Variants in CABLES2 observed in about 807,000 individuals in gnomAD.
The protein encoded by CABLES2 is Cdk5 and Abl enzyme substrate 2.
A neutral mutation model predicts 44.8 loss-of-function variants in CABLES2; 35 were observed. The ratio of observed to expected loss-of-function variants is 0.78; its 90% CI spans 0.60 to 1.04. The LOEUF (loss-of-function observed/expected upper bound fraction) is 1.04, where lower values mean the gene tolerates loss of function less well. Ranked by LOEUF, CABLES2 falls within the 50% of genes least tolerant of loss-of-function variation. The pLI, the probability that CABLES2 is intolerant of heterozygous loss-of-function variation, is 0.00. For synonymous variants in CABLES2, 282 were observed against 281.1 expected (o/e 1.00, Z -0.03); for missense variants, 566 against 615.7 (o/e 0.92, Z 0.85).
rs1015516091 is a variant in CABLES2, at chr20:62,396,460, C to T, written c.435-53G>A. 4.1e-5 allele frequency: 66 copies of T among 1,613,154 alleles called. No homozygotes were observed. The highest frequency in any genetic ancestry group is 2.2e-4 in the Admixed American group (13 of 60,006). ...TTTTCCTCCCAGGACCCTCTGGCCC[C>T]GCAGGGGTCAGTGGCAGCCCGAGCG... On this transcript the variant is annotated intron_variant, in intron 2 of 9. Transcript: ENST00000279101. The surrounding 1 kb of genome is among the most constrained non-coding windows in gnomAD (Gnocchi z 5.7).
chr20:62,400,085 C>T (rs1988160986), intron 1 of CABLES2, among the ~76,000 whole-genome samples: 1 of 152,226 alleles, frequency 6.6e-6, no homozygotes, highest in Non-Finnish European at 1.5e-5. Context: ...ACTAAAACGC[C>T]TGGTGCCTCA....
chr20:62,388,736 C>T lies in CABLES2; in HGVS notation c.*2235G>A, dbSNP rs139630330. ...CTGAGGTCTGATACTTGCTTATGCA[C>T]ACTGACATCCACAACTGCTACCGGT... On this transcript the variant is annotated 3_prime_UTR_variant, in exon 10 of 10. Coordinates refer to ENST00000279101, the MANE Select transcript of CABLES2 (RefSeq NM_031215.3). The T allele has an allele frequency of 5.6e-6, 3 of 532,750 alleles. No homozygotes were observed. The highest frequency in any genetic ancestry group is 4.3e-5 in the South Asian group (2 of 46,998). 33.0% of individuals were successfully genotyped at this position (532,750 alleles called of 1,614,324 possible).
In CABLES2 at chr20:62,393,129, G is replaced by A. The variant is rs149806202; in HGVS notation, c.881-106C>T. On this transcript the variant is annotated intron_variant, in intron 6 of 9. Transcript: ENST00000279101. ...TGGCGGGGCAAGGCCGAGCAGGGGA[G>A]GGGCTCTAGGCCATGGTTCTCTCCT... 2.2e-4 allele frequency: 223 copies of A among 991,314 alleles called. 1 individual carries two copies. The East Asian group carries it at 4.5e-3, about 20-fold the overall frequency. The allele number at this position is 991,314 out of a possible 1,614,324, so 61.4% of individuals were successfully genotyped here.
rs1987907611 is a variant in CABLES2 at position 62,391,089 on chromosome 20, A to G, written c.1319T>C (p.Phe440Ser). 1 of 1,614,106 alleles carries G rather than the reference A, an allele frequency of 6.2e-7. No homozygotes were observed. The highest frequency in any genetic ancestry group is 8.5e-7 in the Non-Finnish European group (1 of 1,180,022). ...LIDKLEERFR[F>S]NRRDLIGFEF... ...AAACCCTATCAGGTCGCGCCTGTTG[A>G]ATCGAAACCTTTCTTCTAACTTCTG... Residue 440 changes from phenylalanine (F) to serine (S), a missense_variant, in exon 10 of 10, where the codon TTC becomes TCC. Physicochemically the swap from Phe to Ser is radical, Grantham distance 155. Around this residue, in one of 2 missense-constraint regions of CABLES2, gnomAD observed 436 missense variants for 536.3 expected, o/e 0.81. Coordinates refer to ENST00000279101, the MANE Select transcript of CABLES2 (RefSeq NM_031215.3). The surrounding 1 kb of genome is among the most constrained non-coding windows in gnomAD (Gnocchi z 5.7).
intron 6 of CABLES2, 33 bp downstream of exon 6, chr20:62,393,407 T>C (rs1158670750): frequency 1.3e-5 from 20 of 1,557,808 alleles, no homozygotes; most frequent in Non-Finnish European, 1.5e-5. Flanking sequence ...CGGGTCACCC[T>C]GTTCCAGGCC....
intron 1 of CABLES2, chr20:62,404,062 A>T (rs1988236752): frequency 6.6e-6 from 1 of 152,196 alleles, no homozygotes; most frequent in Admixed American, 6.5e-5. Context: ...GTGTGTGCCT[A>T]TAGTTCCAGC....
intron 7 of CABLES2, 139 bp downstream of exon 7, chr20:62,392,781 C>G (rs1222092250): frequency 2.5e-6 from 2 of 789,138 alleles, no homozygotes; most frequent in Admixed American, 4.1e-5. Flanking sequence ...CTGCACACCG[C>G]CACTGTCTGT....
intron 1 of CABLES2, among the ~76,000 whole-genome samples, chr20:62,399,630 G>A (rs1988152713): frequency 8.2e-6 from 1 of 122,592 alleles, no homozygotes; most frequent in Non-Finnish European, 1.6e-5. Context: ...GTCTCACTCT[G>A]TGGCCCAGTC....
chr20:62,393,631 C>G, intron 5 of CABLES2, 26 bp from the exon 6 acceptor site: 2 of 1,548,504 alleles, frequency 1.3e-6, no homozygotes. Context: ...CATCTGGCCT[C>G]AGCTCTGCCT....
Position 62,391,475 on chromosome 20 carries a change from A to T in CABLES2, c.1092-22T>A, listed in dbSNP as rs1198320548. 6.2e-7 allele frequency: 1 copy of T among 1,609,804 alleles called. No homozygotes were observed. The highest frequency in any genetic ancestry group is 8.5e-7 in the Non-Finnish European group (1 of 1,177,364). ...TAAGCTGTGGGTTAAGACAGAAGCCATGTCCCTGGGGGCTCTGGCTGGGGC... is the reference window on the plus strand; with the variant it reads ...TAAGCTGTGGGTTAAGACAGAAGCCTTGTCCCTGGGGGCTCTGGCTGGGGC... On this transcript the variant is annotated intron_variant, in intron 8 of 9. Coordinates refer to ENST00000279101, the MANE Select transcript of CABLES2 (RefSeq NM_031215.3). This position sits in a 1 kb window ranked among gnomAD's most constrained non-coding sequence, Gnocchi z 5.7.
chr20:62,394,173 A>T lies in CABLES2; in HGVS notation c.698T>A (p.Leu233Gln). 5 of 1,613,304 alleles carry T rather than the reference A, an allele frequency of 3.1e-6. No homozygotes were observed. The highest frequency in any genetic ancestry group is 4.2e-6 in the Non-Finnish European group (5 of 1,179,894). Reference sequence around the variant, plus strand: ...GGCTCTTACCTTCCCGTCTGCTCCTAGCTCCACACCTTCTAGCTCAAAGAC... The same window carrying T: ...GGCTCTTACCTTCCCGTCTGCTCCTTGCTCCACACCTTCTAGCTCAAAGAC... ...EMVFELEGVELGADGKVVSYA... is the reference protein window; with the variant it reads ...EMVFELEGVEQGADGKVVSYA... Residue 233 changes from leucine (L) to glutamine (Q), a missense_variant, in exon 5 of 10, where the codon CTA becomes CAA. By Grantham distance (113) the Leu-to-Gln change is moderately radical. Coordinates refer to ENST00000279101, the MANE Select transcript of CABLES2 (RefSeq NM_031215.3).
chr20:62,394,799 T>G, intron 4 of CABLES2, 138 bp downstream of exon 4: 1 of 713,968 alleles, frequency 1.4e-6, no homozygotes, highest in Non-Finnish European at 2.3e-6. Flanking sequence ...GAGGTTGACA[T>G]GCTGAGCCTC....
intron 7 of CABLES2, 57 bp from the exon 8 acceptor site, chr20:62,392,552 C>T (rs2146418416): frequency 8.1e-7 from 1 of 1,241,950 alleles, no homozygotes; most frequent in Non-Finnish European, 1.2e-6. Context: ...ATGGGTCCTG[C>T]CTGCTGGGTA....
Position 62,407,138 on chromosome 20 carries a change from C to A in CABLES2, c.139G>T (p.Ala47Ser), listed in dbSNP as rs1468555641. 9.8e-7 allele frequency: 1 copy of A among 1,023,170 alleles called. No homozygotes were observed. Among genetic ancestry groups the A allele is most frequent in the Non-Finnish European group, 1.2e-6 (1 of 853,074 alleles). The allele number at this position is 1,023,170 out of a possible 1,614,324, so 63.4% of individuals were successfully genotyped here. A position where few individuals can be genotyped will look rare whatever the true frequency, so the allele number is the denominator to read the frequency against. Residue 47 changes from alanine to serine, a missense_variant, in exon 1 of 10, where the codon GCC becomes TCC. This residue lies in a region of CABLES2 where 130 missense variants were observed against 79.4 expected (regional missense o/e 1.64). Transcript: ENST00000279101. ...RRRGDSRRRQ[A>S]ALFFLNNISL... ...ATGTTGTTGAGGAAGAAAAGCGCGG[C>A]CTGGCGGCGCCGCGAGTCCCCGCGC...
Position 62,398,320 on chromosome 20 carries a change from AGTG to A in CABLES2, c.363-1731_363-1729del, listed in dbSNP as rs368966753. 5.7e-3 allele frequency among the ~76,000 whole-genome samples: 370 copies of A among 64,534 alleles called. 3 individuals are homozygous for A. The highest frequency in any genetic ancestry group is 0.026 in the African/African-American group (357 of 13,598). 42.3% of individuals were successfully genotyped at this position (64,534 alleles called of 152,430 possible). On this transcript the variant is annotated intron_variant, in intron 1 of 9. Coordinates refer to ENST00000279101, the MANE Select transcript of CABLES2 (RefSeq NM_031215.3). ...CGATGGTGATGACGGTGGTGATGGC[AGTG>A]GTGGTGACGATGGTGGTGATGGTGA...
rs1372362499 is a variant in CABLES2 at position 62,391,478 on chromosome 20, T to G, written c.1092-25A>C. 6.2e-7 allele frequency: 1 copy of G among 1,608,174 alleles called. No homozygotes were observed. The highest frequency in any genetic ancestry group is 2.2e-5 in the East Asian group (1 of 44,770). The stretch of plus-strand genomic sequence containing the variant: ...GCTGTGGGTTAAGACAGAAGCCATG[T>G]CCCTGGGGGCTCTGGCTGGGGCTGA... On this transcript the variant is annotated intron_variant, in intron 8 of 9. Transcript: ENST00000279101. This position sits in a 1 kb window ranked among gnomAD's most constrained non-coding sequence, Gnocchi z 5.7.
chr20:62,398,089 C>CGTGGTGGT (rs1988086330), intron 1 of CABLES2, among the ~76,000 whole-genome samples: 2 of 54,930 alleles, frequency 3.6e-5, no homozygotes, highest in Non-Finnish European at 7.0e-5. Flanking sequence ...GTGGTGGTGA[C>CGTGGTGGT]GGTGGTGGTG....
Position 62,392,307 on chromosome 20 carries a change from GGAGA to G in CABLES2, c.1091+78_1091+81del, listed in dbSNP as rs543731726. On this transcript the variant is annotated intron_variant, in intron 8 of 9. Transcript: ENST00000279101. ...GGGCAGCGGCTAGACTTGTCAAGCTGGAGAGAATCTACCAGAAACTGGAGAGGAG... is the reference window on the plus strand; with the variant it reads ...GGGCAGCGGCTAGACTTGTCAAGCTGGAATCTACCAGAAACTGGAGAGGAG... 2.2e-4 allele frequency: 229 copies of G among 1,030,140 alleles called. No individual in the cohort carries two copies. The African/African-American group carries it at 3.3e-3, about 15-fold the overall frequency. 63.8% of individuals were successfully genotyped at this position (1,030,140 alleles called of 1,614,324 possible).
chr20:62,394,096 G>A, intron 5 of CABLES2, 61 bp downstream of exon 5: 1 of 1,330,210 alleles, frequency 7.5e-7, no homozygotes, highest in Non-Finnish European at 1.1e-6. Flanking sequence ...ACGTGGGACT[G>A]CTCCCACCCG....
Sources: allele counts gnomAD v4.1 joint callset (sites outside exome capture counted in the v4.1 genomes callset), GRCh38; gene constraint gnomAD v4.1.1; regional missense constraint gnomAD v4.1.1; non-coding constraint Gnocchi (gnomAD v3.1); transcripts MANE v1.5; gene names NCBI Gene and HGNC (gene_info 2026-07-23, HGNC 2026-07-21).